Variants in SENP2 observed in about 807,000 individuals in gnomAD.
SENP2 encodes the protein sentrin-specific protease 2.
A neutral mutation model predicts 86.3 loss-of-function variants in SENP2; 16 were observed. That is an observed-to-expected ratio of 0.19 (90% confidence interval 0.13 to 0.28). The LOEUF is 0.28. Among genes scored for constraint, SENP2 ranks in the 10% least tolerant of loss-of-function variants. The pLI, the probability that SENP2 is intolerant of heterozygous loss-of-function variation, is 1.00. For missense variants in SENP2, 552 were observed against 703.0 expected, an observed-to-expected ratio of 0.79 and a Z score of 2.43; for synonymous variants, 222 against 238.7, an observed-to-expected ratio of 0.93 and a Z score of 0.64.
At chr3:185,607,228 A>G (rs1223556639) in intron 6 of SENP2, among the ~76,000 whole-genome samples, 3 of 151,424 alleles carry the variant, frequency 2.0e-5, no homozygotes, top group Non-Finnish European at 4.4e-5. Flanking sequence ...TAGATATTCT[A>G]TATACATATA....
chr3:185,617,528 G>A lies in SENP2; in HGVS notation c.1159G>A (p.Glu387Lys), dbSNP rs1711667121. ...TGCCCTAGGCCATGGCCCACAGGAT[G>A]AAATCCTAAGTAGTGCTTTCAAATT... The part of the protein sequence containing the change: ...SNALGHGPQD[E>K]ILSSAFKLRI... The change falls in exon 12 of 17, where the codon GAA (glutamate) becomes AAA (lysine). Residue 387 changes from glutamate (E) to lysine (K), a missense_variant. This residue lies in a region of SENP2 where 169 missense variants were observed against 275.7 expected (regional missense o/e 0.61). Transcript: ENST00000296257. 2 of 1,613,694 alleles carry A rather than the reference G, an allele frequency of 1.2e-6. No individual in the cohort carries two copies. Among genetic ancestry groups the A allele is most frequent in the South Asian group, 1.1e-5 (1 of 91,050 alleles).
chr3:185,605,257 G>A (rs1577727313), intron 5 of SENP2, among the ~76,000 whole-genome samples: 1 of 151,846 alleles, frequency 6.6e-6, no homozygotes, highest in Admixed American at 6.5e-5. Context: ...TGTAACCCCA[G>A]CTACACGGGA....
chr3:185,615,744 A>T (rs1560198289), intron 11 of SENP2, among the ~76,000 whole-genome samples: 1 of 152,236 alleles, frequency 6.6e-6, no homozygotes, highest in South Asian at 2.1e-4. Flanking sequence ...CATTTATTCC[A>T]TAAGGAGTCA....
Position 185,630,897 on chromosome 3 carries a change from AGTACTTG to A in SENP2, c.*1055_*1061del, listed in dbSNP as rs1712426373. On this transcript the variant is annotated 3_prime_UTR_variant, in exon 17 of 17. Transcript: ENST00000296257. ...CACTGAAATTTGTGGAAGAAAATTT[AGTACTTG>A]GCTCTGAGGTTGCCAGTTATACAAT... 6.6e-6 allele frequency: 1 copy of A among 152,286 alleles called. No individual in the cohort carries two copies. Among genetic ancestry groups the A allele is most frequent in the African/African-American group, 2.4e-5 (1 of 41,450 alleles). The allele number at this position is 152,286 out of a possible 1,614,324, so 9.4% of individuals were successfully genotyped here.
chr3:185,625,434 A>C (rs1712100982), intron 15 of SENP2, among the ~76,000 whole-genome samples: 1 of 152,034 alleles, frequency 6.6e-6, no homozygotes, highest in African/African-American at 2.4e-5. Context: ...TAAAAATCAT[A>C]ATCAACTTCA....
Position 185,598,628 on chromosome 3 carries a change from A to T in SENP2, c.291+83A>T, listed in dbSNP as rs1448196646. 2.2e-6 allele frequency: 3 copies of T among 1,349,340 alleles called. No homozygotes were observed. In the African/African-American group the frequency reaches 4.5e-5, roughly 20 times the overall value. 83.6% of individuals were successfully genotyped at this position (1,349,340 alleles called of 1,614,324 possible). A position where few individuals can be genotyped will look rare whatever the true frequency, so the allele number is the denominator to read the frequency against. ...TTAGAAAATTCTCTCTTCGAGAGTT[A>T]ATGTGTATAATTACTTTTTTCCAGA... On this transcript the variant is annotated intron_variant, in intron 3 of 16. Coordinates refer to ENST00000296257, the MANE Select transcript of SENP2 (RefSeq NM_021627.3).
intron 2 of SENP2, among the ~76,000 whole-genome samples, chr3:185,596,491 C>T (rs1298270655): frequency 6.6e-6 from 1 of 151,886 alleles, no homozygotes; most frequent in Non-Finnish European, 1.5e-5. Context: ...CATGGTGGTG[C>T]ATGCCTGTGA....
chr3:185,618,052 C>A (rs1711689755), intron 12 of SENP2, among the ~76,000 whole-genome samples: 1 of 152,084 alleles, frequency 6.6e-6, no homozygotes, highest in African/African-American at 2.4e-5. Context: ...TCAAGCAATT[C>A]TCCTACCTCA....
chr3:185,593,233 A>G (rs1448905328), intron 2 of SENP2, among the ~76,000 whole-genome samples: 1 of 152,164 alleles, frequency 6.6e-6, no homozygotes, highest in Non-Finnish European at 1.5e-5. Flanking sequence ...AGGGAAAAAA[A>G]ATGGCTGAAG....
Position 185,617,627 on chromosome 3 carries a change from T to G in SENP2, c.1242+16T>G. ...CAATGATGAAGTAAGTTGTATTCCC[T>G]CCCCCTTTTGGCTATCATTAAGTTT... On this transcript the variant is annotated intron_variant, in intron 12 of 16. Transcript: ENST00000296257. The G allele has an allele frequency of 6.2e-7, 1 of 1,605,776 alleles. No individual in the cohort carries two copies. The highest frequency in any genetic ancestry group is 8.5e-7 in the Non-Finnish European group (1 of 1,175,182).
intron 11 of SENP2, among the ~76,000 whole-genome samples, chr3:185,617,253 C>A (rs1477730276): frequency 2.0e-5 from 3 of 152,062 alleles, no homozygotes; most frequent in Non-Finnish European, 4.4e-5. Context: ...ATTGCTTGAG[C>A]CCAGGAGTTT....
At chr3:185,609,671 C>T (rs1722622790) in intron 7 of SENP2, among the ~76,000 whole-genome samples, 1 of 152,016 alleles carries the variant, frequency 6.6e-6, no homozygotes, top group Non-Finnish European at 1.5e-5. Flanking sequence ...ACATTTCCCA[C>T]AATCTCTCTC....
chr3:185,619,184 CTT>C, intron 12 of SENP2, 113 bp from the exon 13 acceptor site: 1 of 747,328 alleles, frequency 1.3e-6, no homozygotes, highest in Admixed American at 2.5e-5. Context: ...TATAGACAGT[CTT>C]TTTATCCTCT....
Position 185,629,687 on chromosome 3 carries a change from T to C in SENP2, c.1708-95T>C, listed in dbSNP as rs111472562. The C allele has an allele frequency of 4.2e-6, 5 of 1,202,670 alleles. No homozygotes were observed. In the African/African-American group the frequency reaches 4.5e-5, roughly 11 times the overall value. The allele number at this position is 1,202,670 out of a possible 1,614,324, so 74.5% of individuals were successfully genotyped here. A position where few individuals can be genotyped will look rare whatever the true frequency, so the allele number is the denominator to read the frequency against. ...AATGTCAACACTTAGAAAAAGCACA[T>C]GGACATCCTGCTTTATTACATGATT... On this transcript the variant is annotated intron_variant, in intron 16 of 16. Coordinates refer to ENST00000296257, the MANE Select transcript of SENP2 (RefSeq NM_021627.3).
intron 12 of SENP2, among the ~76,000 whole-genome samples, chr3:185,617,836 C>T (rs777109412): frequency 6.6e-6 from 1 of 152,204 alleles, no homozygotes; most frequent in African/African-American, 2.4e-5. Context: ...TCCACCACTT[C>T]ATTTACTGGT....
At position 185,632,135 on chromosome 3, in the gene SENP2, G is replaced by T. The variant is rs1712504013; in HGVS notation, c.*2291G>T. On this transcript the variant is annotated 3_prime_UTR_variant, in exon 17 of 17. Coordinates refer to ENST00000296257, the MANE Select transcript of SENP2 (RefSeq NM_021627.3). ...TTTTTAGATCCAAACAGTTTATTTG[G>T]ATCTAAAAGTTTAAGTGTTCAGTTG... 6.7e-6 allele frequency: 1 copy of T among 149,908 alleles called. No homozygotes were observed. The highest frequency in any genetic ancestry group is 1.5e-5 in the Non-Finnish European group (1 of 67,684). The allele number at this position is 149,908 out of a possible 1,614,324, so 9.3% of individuals were successfully genotyped here.
intron 2 of SENP2, among the ~76,000 whole-genome samples, chr3:185,593,565 G>C (rs890153261): frequency 1.3e-5 from 2 of 152,112 alleles, no homozygotes; most frequent in African/African-American, 4.8e-5. Flanking sequence ...ACTAAGAAAG[G>C]TGTATCCTTT....
chr3:185,590,156 A>G lies in SENP2; in HGVS notation c.144A>G (p.Lys48=), dbSNP rs765400241. 1 of 1,555,970 alleles carries G rather than the reference A, an allele frequency of 6.4e-7. No homozygotes were observed. Among genetic ancestry groups the G allele is most frequent in the East Asian group, 2.3e-5 (1 of 43,410 alleles). The change falls in exon 2 of 17, where the codon AAA becomes AAG. Residue 48 remains lysine (K), a synonymous_variant. Transcript: ENST00000296257. ...STVDTDEIPA[K]RPRLDCFIHQ... is the part of the protein sequence containing the mutation. ...TGGACACTGATGAAATACCAGCCAA[A>G]AGACCAAGATTAGGTACTGAATATA...
chr3:185,590,250 G>C (rs1375292745), intron 2 of SENP2, 81 bp downstream of exon 2: 2 of 725,068 alleles, frequency 2.8e-6, no homozygotes, highest in African/African-American at 3.8e-5. Flanking sequence ...AAGGTAAAAA[G>C]TATCTGGTAA....
Sources: gnomAD v4.1 joint callset for allele counts (sites outside exome capture counted in the v4.1 genomes callset) on GRCh38, gnomAD v4.1.1 for gene constraint, gnomAD v4.1.1 regional missense constraint, MANE v1.5 for transcripts, NCBI Gene and HGNC (gene_info 2026-07-23, HGNC 2026-07-21) for gene names.